The following LSM14B variants were observed in gnomAD, a reference collection of about 807,000 sequenced individuals.
LSM14B encodes the protein LSM family member 14B, also known as protein LSM14 homolog B.
In LSM14B, 8 loss-of-function variants were observed where a neutral mutation model predicts 42.1. That is an observed-to-expected ratio of 0.19 (90% CI 0.11 to 0.34). The LOEUF is 0.34. Among genes scored for constraint, LSM14B ranks in the 10% least tolerant of loss-of-function variants. The pLI, the probability that LSM14B is intolerant of heterozygous loss-of-function variation, is 1.00. For synonymous variants in LSM14B, 219 were observed against 209.7 expected (o/e 1.04, Z -0.38); for missense variants, 396 against 513.1 (o/e 0.77, Z 2.21).
chr20:62,122,595 C>T lies in LSM14B; in HGVS notation c.-72C>T. 2.9e-6 allele frequency: 3 copies of T among 1,022,110 alleles called. No homozygotes were observed. Among genetic ancestry groups the T allele is most frequent in the Non-Finnish European group, 3.5e-6 (3 of 848,280 alleles). 63.3% of individuals were successfully genotyped at this position (1,022,110 alleles called of 1,614,324 possible). A position where few individuals can be genotyped will look rare whatever the true frequency, so the allele number is the denominator to read the frequency against. ...GCGCAGGAGCGGGCGGCCAGGCCAC[C>T]GCGCGGCGGCGGAGCGGGCCGCGGC... On this transcript the variant is annotated 5_prime_UTR_variant, in exon 1 of 9. Transcript: ENST00000279068. The surrounding 1 kb of genome is among the most constrained non-coding windows in gnomAD (Gnocchi z 4.6).
Position 62,129,953 on chromosome 20 carries a change from G to C in LSM14B, c.595+1G>C. ...CAGCCGAGCAGCAAGACGGCCAGCGGTACTTGAACACATCATTTCCTGGAG... is the reference window on the plus strand; with the variant it reads ...CAGCCGAGCAGCAAGACGGCCAGCGCTACTTGAACACATCATTTCCTGGAG... On this transcript the variant is annotated splice_donor_variant, in intron 4 of 8. Transcript: ENST00000279068. LOFTEE classifies it high-confidence loss of function. 1 of 1,608,784 alleles carries C rather than the reference G, an allele frequency of 6.2e-7. No individual in the cohort carries two copies. Among genetic ancestry groups the C allele is most frequent in the Non-Finnish European group, 8.5e-7 (1 of 1,177,716 alleles).
In LSM14B at chr20:62,122,826, C is replaced by T. The variant is rs1430262795; in HGVS notation, c.127+33C>T. ...CCGCCGCCCGCCCGAGCCCGCTGAC[C>T]CCCGTCCGCCAACAGCCCCGGCCTG... On this transcript the variant is annotated intron_variant, in intron 1 of 8. Transcript: ENST00000279068. This position sits in a 1 kb window ranked among gnomAD's most constrained non-coding sequence, Gnocchi z 4.6. 2.1e-6 allele frequency: 3 copies of T among 1,461,342 alleles called. No individual in the cohort carries two copies. The highest frequency in any genetic ancestry group is 3.0e-5 in the African/African-American group (2 of 67,682). The allele number at this position is 1,461,342 out of a possible 1,614,324, so 90.5% of individuals were successfully genotyped here. A position where few individuals can be genotyped will look rare whatever the true frequency, so the allele number is the denominator to read the frequency against.
In LSM14B at chr20:62,124,788, T is replaced by C. The variant is rs1194603836; in HGVS notation, c.291+8T>C. On this transcript the variant is annotated splice_region_variant and intron_variant, in intron 2 of 8. Transcript: ENST00000279068. ...GATCCCGCCATTGTTCAGGTAAGTG[T>C]GCCACTGTCCCTCTGTGCATGCTGT... The C allele has an allele frequency of 3.1e-6, 5 of 1,610,476 alleles. No individual in the cohort carries two copies. Among genetic ancestry groups the C allele is most frequent in the East Asian group, 4.5e-5 (2 of 44,846 alleles).
intron 3 of LSM14B, among the ~76,000 whole-genome samples, chr20:62,127,243 C>T (rs1278996824): frequency 6.6e-6 from 1 of 152,218 alleles, no homozygotes; most frequent in Non-Finnish European, 1.5e-5. Flanking sequence ...AAGATCCTGC[C>T]TTGTCCTTAA....
Position 62,130,411 on chromosome 20 carries a change from T to C in LSM14B, c.673+115T>C. On this transcript the variant is annotated intron_variant, in intron 5 of 8. Transcript: ENST00000279068. This position sits in a 1 kb window ranked among gnomAD's most constrained non-coding sequence, Gnocchi z 4.1. ...TTCAGGGGTGCTGGTGTGAAGTCGCTGCTTGTGTGCTCTGTTCCTTCTGTG... is the reference window on the plus strand; with the variant it reads ...TTCAGGGGTGCTGGTGTGAAGTCGCCGCTTGTGTGCTCTGTTCCTTCTGTG... 1 of 1,531,406 alleles carries C rather than the reference T, an allele frequency of 6.5e-7. No individual in the cohort carries two copies. The allele number at this position is 1,531,406 out of a possible 1,614,324, so 94.9% of individuals were successfully genotyped here.
Position 62,130,566 on chromosome 20 carries a change from A to G in LSM14B, c.710A>G (p.Asn237Ser). 1 of 1,613,944 alleles carries G rather than the reference A, an allele frequency of 6.2e-7. No homozygotes were observed. Among genetic ancestry groups the G allele is most frequent in the Non-Finnish European group, 8.5e-7 (1 of 1,179,878 alleles). Reference protein sequence around the residue: ...RRTRNRSRGQNRPTNVKENTI... With the variant: ...RRTRNRSRGQSRPTNVKENTI... ...ACAAGGAATCGCTCCAGAGGGCAAAACCGTCCAACTAACGTTAAGGAAAAC... is the reference window on the plus strand; with the variant it reads ...ACAAGGAATCGCTCCAGAGGGCAAAGCCGTCCAACTAACGTTAAGGAAAAC... The change falls in exon 6 of 9, where the codon AAC (asparagine) becomes AGC (serine). Residue 237 changes from asparagine to serine, a missense_variant. Physicochemically the swap from Asn to Ser is conservative, Grantham distance 46 (BLOSUM62 1). This residue lies in a region of LSM14B where 274 missense variants were observed against 335.8 expected (regional missense o/e 0.82). Transcript: ENST00000279068. This position sits in a 1 kb window ranked among gnomAD's most constrained non-coding sequence, Gnocchi z 4.1.
In LSM14B at chr20:62,134,929, G is replaced by C. The variant is rs2056864469; in HGVS notation, c.*781G>C. 1.3e-5 allele frequency: 2 copies of C among 152,586 alleles called. No homozygotes were observed. Among genetic ancestry groups the C allele is most frequent in the Non-Finnish European group, 2.9e-5 (2 of 68,308 alleles). The allele number at this position is 152,586 out of a possible 1,614,324, so 9.5% of individuals were successfully genotyped here. A position where few individuals can be genotyped will look rare whatever the true frequency, so the allele number is the denominator to read the frequency against. On this transcript the variant is annotated 3_prime_UTR_variant, in exon 9 of 9. Transcript: ENST00000279068. ...CTTGGCCCTTCTGTGGTCCCTGCCAGCCTCTGACCTGGGCCGGTCAGTCAT... is the reference window on the plus strand; with the variant it reads ...CTTGGCCCTTCTGTGGTCCCTGCCACCCTCTGACCTGGGCCGGTCAGTCAT...
Position 62,130,729 on chromosome 20 carries a change from A to C in LSM14B, c.835+38A>C. 4 of 1,598,782 alleles carry C rather than the reference A, an allele frequency of 2.5e-6. No individual in the cohort carries two copies. The highest frequency in any genetic ancestry group is 3.4e-6 in the Non-Finnish European group (4 of 1,173,620). On this transcript the variant is annotated intron_variant, in intron 6 of 8. Transcript: ENST00000279068. The surrounding 1 kb of genome is among the most constrained non-coding windows in gnomAD (Gnocchi z 4.1). Reference sequence around the variant, plus strand: ...ATATGAAAATTATTCTCTGCACAGGAGTACCCCTAGAGAGTGTTAGGAGGA... The same window carrying C: ...ATATGAAAATTATTCTCTGCACAGGCGTACCCCTAGAGAGTGTTAGGAGGA...
Position 62,130,037 on chromosome 20 carries a change from T to TA in LSM14B, c.595+92dup, listed in dbSNP as rs2056720545. ...CCTGGGCTATTTTTTTTTTTTTAAT[T>TA]AAAAAAATACTACTCCCCCATCCTA... On this transcript the variant is annotated intron_variant, in intron 4 of 8. Coordinates refer to ENST00000279068, the MANE Select transcript of LSM14B (RefSeq NM_144703.3). The surrounding 1 kb of genome is among the most constrained non-coding windows in gnomAD (Gnocchi z 4.1). The TA allele has an allele frequency of 5.6e-6, 8 of 1,429,542 alleles. No homozygotes were observed. The African/African-American group carries it at 8.7e-5, about 16-fold the overall frequency. The allele number at this position is 1,429,542 out of a possible 1,614,324, so 88.6% of individuals were successfully genotyped here. A position where few individuals can be genotyped will look rare whatever the true frequency, so the allele number is the denominator to read the frequency against.
At position 62,130,731 on chromosome 20, in the gene LSM14B, T is replaced by TTTC. The variant is rs1361211335; in HGVS notation, c.835+40_835+41insTTC. 1 of 1,596,180 alleles carries TTTC rather than the reference T, an allele frequency of 6.3e-7. No homozygotes were observed. Among genetic ancestry groups the TTTC allele is most frequent in the South Asian group, 1.1e-5 (1 of 89,998 alleles). Reference sequence around the variant, plus strand: ...ATGAAAATTATTCTCTGCACAGGAGTACCCCTAGAGAGTGTTAGGAGGAGA... The same window carrying TTTC: ...ATGAAAATTATTCTCTGCACAGGAGTTTCACCCCTAGAGAGTGTTAGGAGGAGA... On this transcript the variant is annotated intron_variant, in intron 6 of 8. Transcript: ENST00000279068. The surrounding 1 kb of genome is among the most constrained non-coding windows in gnomAD (Gnocchi z 4.1).
In LSM14B at chr20:62,122,647, G is replaced by A; in HGVS notation, c.-20G>A. ...CGGCGCTCCTTCCCCACCGCGGCCC[G>A]ACGCACCCCGGCCGCCGCCATGAGC... is the stretch of plus-strand genomic sequence containing the variant. On this transcript the variant is annotated 5_prime_UTR_variant, in exon 1 of 9. Transcript: ENST00000279068. This position sits in a 1 kb window ranked among gnomAD's most constrained non-coding sequence, Gnocchi z 4.6. 1 of 1,377,206 alleles carries A rather than the reference G, an allele frequency of 7.3e-7. No homozygotes were observed. The highest frequency in any genetic ancestry group is 1.4e-5 in the South Asian group (1 of 71,950). The allele number at this position is 1,377,206 out of a possible 1,614,324, so 85.3% of individuals were successfully genotyped here.
chr20:62,124,499 G>T, intron 1 of LSM14B, 118 bp from the exon 2 acceptor site: 1 of 1,012,060 alleles, frequency 9.9e-7, no homozygotes, highest in Non-Finnish European at 1.4e-6. Flanking sequence ...GACCTGGGGT[G>T]CTGTGTTGTG....
intron 1 of LSM14B, chr20:62,123,456 C>T (rs41303943): frequency 0.021 from 3,179 of 152,434 alleles, 52 homozygotes; most frequent in South Asian, 0.033. Flanking sequence ...TGGGGCTTAC[C>T]TTTTGGTGAC....
intron 3 of LSM14B, among the ~76,000 whole-genome samples, chr20:62,127,358 G>A (rs1240223796): frequency 6.6e-6 from 1 of 152,154 alleles, no homozygotes; most frequent in Non-Finnish European, 1.5e-5. Flanking sequence ...AACCCTAAAC[G>A]AGGTCTGTAG....
chr20:62,132,263 G>A (rs971794257), intron 7 of LSM14B, among the ~76,000 whole-genome samples: 8 of 152,252 alleles, frequency 5.3e-5, no homozygotes, highest in Non-Finnish European at 1.2e-4. Context: ...GCGCAGATGA[G>A]TGCGGGAAGT....
At chr20:62,124,517 G>T in intron 1 of LSM14B, 100 bp from the exon 2 acceptor site, 2 of 1,318,088 alleles carry the variant, frequency 1.5e-6, no homozygotes, top group South Asian at 2.7e-5. Context: ...GTGGCTCTGA[G>T]CAAGTGTCGC....
chr20:62,130,747 T>C lies in LSM14B; in HGVS notation c.835+56T>C. 1 of 1,558,306 alleles carries C rather than the reference T, an allele frequency of 6.4e-7. No homozygotes were observed. The highest frequency in any genetic ancestry group is 8.7e-7 in the Non-Finnish European group (1 of 1,148,944). The stretch of plus-strand genomic sequence containing the variant: ...GCACAGGAGTACCCCTAGAGAGTGT[T>C]AGGAGGAGATGCCTGGCCGGGTGTG... On this transcript the variant is annotated intron_variant, in intron 6 of 8. Coordinates refer to ENST00000279068, the MANE Select transcript of LSM14B (RefSeq NM_144703.3). The surrounding 1 kb of genome is among the most constrained non-coding windows in gnomAD (Gnocchi z 4.1).
At position 62,122,594 on chromosome 20, in the gene LSM14B, C is replaced by G. The variant is rs1366591969; in HGVS notation, c.-73C>G. Reference sequence around the variant, plus strand: ...AGCGCAGGAGCGGGCGGCCAGGCCACCGCGCGGCGGCGGAGCGGGCCGCGG... The same window carrying G: ...AGCGCAGGAGCGGGCGGCCAGGCCAGCGCGCGGCGGCGGAGCGGGCCGCGG... On this transcript the variant is annotated 5_prime_UTR_variant, in exon 1 of 9. Coordinates refer to ENST00000279068, the MANE Select transcript of LSM14B (RefSeq NM_144703.3). The surrounding 1 kb of genome is among the most constrained non-coding windows in gnomAD (Gnocchi z 4.6). 2 of 1,021,240 alleles carry G rather than the reference C, an allele frequency of 2.0e-6. No homozygotes were observed. Among genetic ancestry groups the G allele is most frequent in the Non-Finnish European group, 2.4e-6 (2 of 847,894 alleles). 63.3% of individuals were successfully genotyped at this position (1,021,240 alleles called of 1,614,324 possible).
intron 3 of LSM14B, chr20:62,128,180 CTGATGGCCAG>C: frequency 3.0e-6 from 1 of 333,068 alleles, no homozygotes; most frequent in Middle Eastern, 9.8e-4. Flanking sequence ...CAGTATCAGC[CTGATGGCCAG>C]CTGGCCAGTG....
Sources: gnomAD v4.1 joint callset for allele counts (sites outside exome capture counted in the v4.1 genomes callset) on GRCh38, gnomAD v4.1.1 for gene constraint, gnomAD v4.1.1 regional missense constraint, Gnocchi (gnomAD v3.1) non-coding constraint, MANE v1.5 for transcripts, NCBI Gene and HGNC (gene_info 2026-07-23, HGNC 2026-07-21) for gene names.